The following RALGPS1 variants were observed in gnomAD, a reference collection of about 807,000 sequenced individuals.
RALGPS1 encodes the protein Ral GEF with PH domain and SH3 binding motif 1.
A neutral mutation model predicts 78.8 loss-of-function variants in RALGPS1; 19 were observed. The observed-to-expected ratio is 0.24, with a 90% CI of 0.17 to 0.35. RALGPS1 has a LOEUF of 0.35. Ranked by LOEUF, RALGPS1 falls within the 10% of genes least tolerant of loss-of-function variation. The pLI, the probability that RALGPS1 is intolerant of heterozygous loss-of-function variation, is 1.00. For synonymous variants in RALGPS1, 228 were observed against 256.3 expected (o/e 0.89, Z 1.06); for missense variants, 454 against 688.3 (o/e 0.66, Z 3.81).
At chr9:127,179,273 G>A (rs1564730701) in intron 11 of RALGPS1, among the ~76,000 whole-genome samples, 1 of 152,216 alleles carries the variant, frequency 6.6e-6, no homozygotes, top group Non-Finnish European at 1.5e-5. Context: ...ACACTCGGGG[G>A]TCCCAGCTTC....
chr9:127,187,515 G>C (rs1397832428), intron 11 of RALGPS1, among the ~76,000 whole-genome samples: 2 of 152,240 alleles, frequency 1.3e-5, no homozygotes, highest in Non-Finnish European at 2.9e-5. Flanking sequence ...CAGGTACAGA[G>C]CATAGCGCTG....
chr9:126,958,158 T>TATATATATATATATATACAC (rs1345241110), intron 1 of RALGPS1, among the ~76,000 whole-genome samples: 1 of 121,066 alleles, frequency 8.3e-6, no homozygotes, highest in African/African-American at 2.7e-5. Context: ...TATATATATA[T>TATATATATATATATATACAC]ACACACACAC....
intron 8 of RALGPS1, among the ~76,000 whole-genome samples, chr9:127,141,616 C>CAAA (rs61291398): frequency 0.016 from 1,108 of 67,936 alleles, 3 homozygotes; most frequent in African/African-American, 0.024. Flanking sequence ...TTTTTAATGG[C>CAAA]AAAAAAAAAA....
Position 127,211,528 on chromosome 9 carries a change from AGGCACCGGCAGATCC to A in RALGPS1, c.1248-600_1248-586del, listed in dbSNP as rs2062259671. Reference sequence around the variant, plus strand: ...CCAGTAGGGGGTGGTGCCATTCCTGAGGCACCGGCAGATCCGGAGCTCAGGAGGGAGGTGTGGGCT... The same window carrying A: ...CCAGTAGGGGGTGGTGCCATTCCTGAGGAGCTCAGGAGGGAGGTGTGGGCT... On this transcript the variant is annotated intron_variant, in intron 14 of 18. Transcript: ENST00000259351. The surrounding 1 kb of genome is among the most constrained non-coding windows in gnomAD (Gnocchi z 5.0). Among the ~76,000 whole-genome samples the A allele has an allele frequency of 6.6e-6, 1 of 152,124 alleles. No individual in the cohort carries two copies. Among genetic ancestry groups the A allele is most frequent in the African/African-American group, 2.4e-5 (1 of 41,406 alleles).
chr9:127,199,181 C>T, intron 14 of RALGPS1, 115 bp downstream of exon 14: 1 of 935,832 alleles, frequency 1.1e-6, no homozygotes, highest in South Asian at 1.3e-5. Flanking sequence ...TGAGGCTGCT[C>T]TGTGGCTCCT....
intron 4 of RALGPS1, among the ~76,000 whole-genome samples, chr9:127,011,640 G>A (rs2044354587): frequency 6.6e-6 from 1 of 152,190 alleles, no homozygotes; most frequent in African/African-American, 2.4e-5. Flanking sequence ...GACTAGGTTT[G>A]TGCCTATATT....
In RALGPS1 at chr9:127,168,528, G is replaced by A. The variant is rs1421363287; in HGVS notation, c.749-151G>A. On this transcript the variant is annotated intron_variant, in intron 9 of 18. Coordinates refer to ENST00000259351, the MANE Select transcript of RALGPS1 (RefSeq NM_014636.3). ...CCCTCTGTTCCAGTGGCCAGCACAGGGCCAGTCCCCAAAGAGCATCAGCAA... is the reference window on the plus strand; with the variant it reads ...CCCTCTGTTCCAGTGGCCAGCACAGAGCCAGTCCCCAAAGAGCATCAGCAA... The A allele has an allele frequency of 4.7e-6, 3 of 643,522 alleles. No individual in the cohort carries two copies. The African/African-American group carries it at 5.4e-5, about 12-fold the overall frequency. The allele number at this position is 643,522 out of a possible 1,614,324, so 39.9% of individuals were successfully genotyped here.
chr9:127,015,234 A>C (rs2044707548), intron 4 of RALGPS1, among the ~76,000 whole-genome samples: 2 of 152,232 alleles, frequency 1.3e-5, no homozygotes, highest in South Asian at 4.1e-4. Flanking sequence ...GCAGACCTGG[A>C]TATGAATTCC....
chr9:127,024,970 A>G (rs1351372723), intron 4 of RALGPS1, among the ~76,000 whole-genome samples: 2 of 152,170 alleles, frequency 1.3e-5, no homozygotes, highest in Non-Finnish European at 2.9e-5. Context: ...TTTAGTAAAC[A>G]GTTTGGTGAT....
chr9:127,036,217 C>G (rs568610748), intron 5 of RALGPS1, among the ~76,000 whole-genome samples: 1 of 152,210 alleles, frequency 6.6e-6, no homozygotes, highest in Non-Finnish European at 1.5e-5. Context: ...ATCAGCCAGT[C>G]GGAGAGCCAG....
intron 1 of RALGPS1, among the ~76,000 whole-genome samples, chr9:126,918,758 C>G (rs1233429807): frequency 6.6e-6 from 1 of 151,380 alleles, no homozygotes; most frequent in Non-Finnish European, 1.5e-5. Context: ...CAGCAACCTC[C>G]GCCTCCCGGG....
intron 8 of RALGPS1, among the ~76,000 whole-genome samples, chr9:127,097,917 A>G (rs967536497): frequency 6.6e-6 from 1 of 152,174 alleles, no homozygotes; most frequent in African/African-American, 2.4e-5. Context: ...TCTTCTGTGA[A>G]ATGGGAAGAG....
At chr9:126,983,642 G>C (rs577932030) in intron 4 of RALGPS1, among the ~76,000 whole-genome samples, 17 of 152,246 alleles carry the variant, frequency 1.1e-4, no homozygotes, top group Middle Eastern at 3.4e-3. Context: ...CATTGCATTT[G>C]GTTGGTTGTT....
In RALGPS1 at chr9:127,205,264, C is replaced by A. The variant is rs554466063; in HGVS notation, c.1247+6198C>A. Among the ~76,000 whole-genome samples the A allele has an allele frequency of 6.6e-6, 1 of 152,296 alleles. No individual in the cohort carries two copies. ...CCTGCAGCCTCTTCAGGTCCCAGGC[C>A]CCCCGTCGAGGGATCACTAGGGTTC... On this transcript the variant is annotated intron_variant, in intron 14 of 18. Coordinates refer to ENST00000259351, the MANE Select transcript of RALGPS1 (RefSeq NM_014636.3). The surrounding 1 kb of genome is among the most constrained non-coding windows in gnomAD (Gnocchi z 4.0).
intron 8 of RALGPS1, among the ~76,000 whole-genome samples, chr9:127,159,703 A>C (rs911268268): frequency 6.6e-6 from 1 of 152,178 alleles, no homozygotes; most frequent in Non-Finnish European, 1.5e-5. Flanking sequence ...CTCATCATGC[A>C]GTAGATGGAA....
At chr9:127,072,132 C>T (rs1464419445) in intron 8 of RALGPS1, among the ~76,000 whole-genome samples, 1 of 152,242 alleles carries the variant, frequency 6.6e-6, no homozygotes, top group Non-Finnish European at 1.5e-5. Context: ...TTTCAAGGTT[C>T]ATCCATGCTA....
At chr9:126,940,174 C>T (rs2036626419) in intron 1 of RALGPS1, among the ~76,000 whole-genome samples, 1 of 152,120 alleles carries the variant, frequency 6.6e-6, no homozygotes, top group Non-Finnish European at 1.5e-5. Context: ...GTGCAAATAG[C>T]CTGGGTTATG....
chr9:127,160,405 G>C (rs567310392), intron 8 of RALGPS1, among the ~76,000 whole-genome samples: 17 of 152,318 alleles, frequency 1.1e-4, no homozygotes, highest in African/African-American at 3.8e-4. Context: ...GGAGCAGAAC[G>C]AGGTGAGAGC....
At chr9:127,134,764 T>G (rs960265905) in intron 8 of RALGPS1, among the ~76,000 whole-genome samples, 2 of 152,250 alleles carry the variant, frequency 1.3e-5, no homozygotes, top group African/African-American at 4.8e-5. Context: ...TAAATAAAAA[T>G]AAATGTCTTA....
Sources: gnomAD v4.1 joint callset for allele counts (sites outside exome capture counted in the v4.1 genomes callset) on GRCh38, gnomAD v4.1.1 for gene constraint, Gnocchi (gnomAD v3.1) non-coding constraint, MANE v1.5 for transcripts, NCBI Gene and HGNC (gene_info 2026-07-23, HGNC 2026-07-21) for gene names.